The following RBFOX3 variants were observed in gnomAD, a reference collection of about 807,000 sequenced individuals.
The protein encoded by RBFOX3 is RNA binding fox-1 homolog 3, also known as RNA binding protein fox-1 homolog 3.
In RBFOX3, 17 loss-of-function variants were observed where a neutral mutation model predicts 48.7. The ratio of observed to expected loss-of-function variants is 0.35; its 90% confidence interval spans 0.24 to 0.52. The LOEUF (loss-of-function observed/expected upper bound fraction) is 0.52. RBFOX3 is among the 20% of genes least tolerant of loss of function. The pLI is 0.94. For synonymous variants in RBFOX3, 212 were observed against 209.5 expected (o/e 1.01, Z -0.10); for missense variants, 382 against 497.5 (o/e 0.77, Z 2.21).
chr17:79,092,604 G>T (rs2074153925), intron 14 of RBFOX3: 1 of 987,832 alleles, frequency 1.0e-6, no homozygotes, highest in Non-Finnish European at 1.2e-6. Context: ...TTGCTAGTAG[G>T]GGGTGAAGCG....
chr17:79,323,768 G>A (rs930638258), intron 2 of RBFOX3, among the ~76,000 whole-genome samples: 3 of 152,266 alleles, frequency 2.0e-5, no homozygotes, highest in African/African-American at 4.8e-5. Context: ...TGTTCTGCCC[G>A]TGGCCGGTGG....
chr17:79,436,422 T>C (rs2069468456), intron 2 of RBFOX3, among the ~76,000 whole-genome samples: 1 of 152,146 alleles, frequency 6.6e-6, no homozygotes, highest in African/African-American at 2.4e-5. Context: ...CACATAGAGG[T>C]ACCAAGGCCT....
At chr17:79,419,243 C>A (rs1175768658) in intron 2 of RBFOX3, among the ~76,000 whole-genome samples, 1 of 152,222 alleles carries the variant, frequency 6.6e-6, no homozygotes, top group Non-Finnish European at 1.5e-5. Context: ...GCTAAGATGC[C>A]TTTTCCCCGT....
chr17:79,442,174 T>G (rs1181758635), intron 2 of RBFOX3, among the ~76,000 whole-genome samples: 1 of 142,816 alleles, frequency 7.0e-6, no homozygotes, highest in African/African-American at 2.6e-5. Flanking sequence ...CAACCACAGC[T>G]GCTGGGGACC....
intron 4 of RBFOX3, among the ~76,000 whole-genome samples, chr17:79,166,456 G>A (rs2048031651): frequency 7.6e-6 from 1 of 130,926 alleles, no homozygotes; most frequent in Admixed American, 8.5e-5. Flanking sequence ...AGTAGGCTCA[G>A]CTCTCAGCCA....
At chr17:79,177,372 G>A (rs766907149) in intron 4 of RBFOX3, among the ~76,000 whole-genome samples, 10 of 152,246 alleles carry the variant, frequency 6.6e-5, no homozygotes, top group Non-Finnish European at 1.3e-4. Context: ...CAAGTTGTGT[G>A]GCTCAGCGTC....
At chr17:79,419,172 CAT>C (rs2065848092) in intron 2 of RBFOX3, among the ~76,000 whole-genome samples, 1 of 152,186 alleles carries the variant, frequency 6.6e-6, no homozygotes, top group African/African-American at 2.4e-5. Flanking sequence ...CCTGTGCACA[CAT>C]GTGTGTATGG....
At chr17:79,475,145 G>A (rs2077547093) in intron 2 of RBFOX3, among the ~76,000 whole-genome samples, 2 of 152,172 alleles carry the variant, frequency 1.3e-5, no homozygotes, top group African/African-American at 4.8e-5. Flanking sequence ...TCAGCAGTGG[G>A]AGGTGGGAAG....
chr17:79,655,197 G>GGTCA, the RBFOX3 span, among the ~76,000 whole-genome samples: 5 of 152,138 alleles, frequency 3.3e-5, no homozygotes, highest in Non-Finnish European at 7.3e-5. Context: ...CCCTGCACCC[G>GGTCA]GACCAGCACG....
At chr17:79,551,407 GTGGA>G (rs2091131252) in intron 1 of RBFOX3, among the ~76,000 whole-genome samples, 2 of 152,100 alleles carry the variant, frequency 1.3e-5, no homozygotes, top group Non-Finnish European at 2.9e-5. Context: ...GGTGGAATAA[GTGGA>G]TGGATGGGTG....
At chr17:79,445,557 C>T (rs183392191) in intron 2 of RBFOX3, among the ~76,000 whole-genome samples, 2 of 152,184 alleles carry the variant, frequency 1.3e-5, no homozygotes, top group African/African-American at 4.8e-5. Context: ...CCAGGATCAT[C>T]TCTCCCCACA....
chr17:79,114,879 C>T (rs866139023), intron 5 of RBFOX3, among the ~76,000 whole-genome samples: 2 of 152,332 alleles, frequency 1.3e-5, no homozygotes, highest in East Asian at 1.9e-4. Context: ...CCAGGCCAGC[C>T]GCTTGGCCAC....
At chr17:79,097,179 C>CA (rs1334246230) in intron 11 of RBFOX3, 113 bp downstream of exon 11, 52 of 892,118 alleles carry the variant, frequency 5.8e-5, no homozygotes, top group Middle Eastern at 3.5e-4. Flanking sequence ...ATCCTCCCCC[C>CA]CCCCAGGTCT....
At chr17:79,348,576 T>C (rs2083308167) in intron 2 of RBFOX3, among the ~76,000 whole-genome samples, 1 of 136,934 alleles carries the variant, frequency 7.3e-6, no homozygotes, top group South Asian at 2.5e-4. Flanking sequence ...TTTTCCTTTT[T>C]TTTTTTTTTT....
intron 2 of RBFOX3, among the ~76,000 whole-genome samples, chr17:79,332,999 A>T (rs1273793744): frequency 6.6e-6 from 1 of 151,688 alleles, no homozygotes; most frequent in Non-Finnish European, 1.5e-5. Flanking sequence ...AGAGAGAGAA[A>T]CAGAGGAAGA....
chr17:79,115,282 C>T (rs961511697), intron 5 of RBFOX3, among the ~76,000 whole-genome samples: 60 of 152,334 alleles, frequency 3.9e-4, no homozygotes, highest in African/African-American at 1.2e-3. Context: ...AGCTCCTTGG[C>T]GCCGGGGGTC....
rs1188767379 is a variant in RBFOX3 at position 79,243,365 on chromosome 17, C to G, written c.-73-7560G>C. Among the ~76,000 whole-genome samples the G allele has an allele frequency of 6.6e-6, 1 of 152,190 alleles. No individual in the cohort carries two copies. Among genetic ancestry groups the G allele is most frequent in the African/African-American group, 2.4e-5 (1 of 41,442 alleles). On this transcript the variant is annotated intron_variant, in intron 3 of 14. Coordinates refer to ENST00000693108, the MANE Select transcript of RBFOX3 (RefSeq NM_001350451.2). This position sits in a 1 kb window ranked among gnomAD's most constrained non-coding sequence, Gnocchi z 7.9. Reference sequence around the variant, plus strand: ...TTTTGCTCATTGCCGGGTCTAACTCCAACCTGCCTCCCACCCCAGCACTTG... The same window carrying G: ...TTTTGCTCATTGCCGGGTCTAACTCGAACCTGCCTCCCACCCCAGCACTTG...
At chr17:79,520,434 C>G (rs1485371783) in intron 1 of RBFOX3, among the ~76,000 whole-genome samples, 1 of 152,198 alleles carries the variant, frequency 6.6e-6, no homozygotes, top group African/African-American at 2.4e-5. Flanking sequence ...AGCTGCCCTC[C>G]TGTGCGCACG....
chr17:79,189,133 A>ATT (rs1012455879), intron 4 of RBFOX3, among the ~76,000 whole-genome samples: 15 of 152,242 alleles, frequency 9.9e-5, no homozygotes, highest in Non-Finnish European at 1.8e-4. Context: ...GCAATTTATT[A>ATT]TTACTGATTG....
Sources: allele counts gnomAD v4.1 joint callset (sites outside exome capture counted in the v4.1 genomes callset), GRCh38; gene constraint gnomAD v4.1.1; non-coding constraint Gnocchi (gnomAD v3.1); transcripts MANE v1.5; gene names NCBI Gene and HGNC (gene_info 2026-07-23, HGNC 2026-07-21).